Variants in MRPL13 observed in about 807,000 individuals in gnomAD.
MRPL13 encodes the protein mitochondrial ribosomal protein L13, also known as large ribosomal subunit protein uL13m.
Under a neutral mutation model 29.0 loss-of-function variants are expected in MRPL13, and 33 were observed. That is an observed-to-expected ratio of 1.14 (90% confidence interval 0.86 to 1.52). MRPL13 has a LOEUF of 1.52. Among genes scored for constraint, MRPL13 ranks in the 40% most tolerant of loss-of-function variants. The pLI, the probability that MRPL13 is intolerant of heterozygous loss-of-function variation, is 0.00. For missense variants in MRPL13, 227 were observed against 216.7 expected (o/e 1.05, Z -0.30); for synonymous variants, 77 against 68.4 (o/e 1.13, Z -0.62).
At chr8:120,410,801 G>C (rs1345741111) in intron 6 of MRPL13, among the ~76,000 whole-genome samples, 1 of 150,528 alleles carries the variant, frequency 6.6e-6, no homozygotes, top group African/African-American at 2.4e-5. Context: ...TTTTTTTTGA[G>C]ATGGAGTTTT....
rs372837710 is a variant in MRPL13 at position 120,435,631 on chromosome 8, G to A, written c.152-3508C>T. ...ACTGATGGGCACTTAGGTTGATGAC[G>A]TATCTTTGCTATTATGAACAGTGCT... On this transcript the variant is annotated intron_variant, in intron 2 of 6. Transcript: ENST00000306185. Among the ~76,000 whole-genome samples, 114 of 152,054 alleles carry A rather than the reference G, an allele frequency of 7.5e-4. 1 individual carries two copies. The highest frequency in any genetic ancestry group is 2.6e-3 in the African/African-American group (106 of 41,510).
At chr8:120,407,704 T>A (rs368563443) in intron 6 of MRPL13, among the ~76,000 whole-genome samples, 3 of 144,404 alleles carry the variant, frequency 2.1e-5, no homozygotes, top group African/African-American at 7.7e-5. Flanking sequence ...AAAAAATACA[T>A]TATTGGTCCT....
chr8:120,400,526 T>G (rs967737072), intron 6 of MRPL13, among the ~76,000 whole-genome samples: 3 of 151,860 alleles, frequency 2.0e-5, no homozygotes, highest in Non-Finnish European at 4.4e-5. Context: ...AAAAAGCTAC[T>G]TAGATCTCAA....
At chr8:120,421,236 T>C (rs901301777) in intron 4 of MRPL13, among the ~76,000 whole-genome samples, 1 of 151,708 alleles carries the variant, frequency 6.6e-6, no homozygotes, top group African/African-American at 2.4e-5. Context: ...GAAGAAAATA[T>C]AAGGACATAG....
intron 2 of MRPL13, among the ~76,000 whole-genome samples, chr8:120,441,623 G>A (rs890976024): frequency 1.2e-4 from 18 of 152,138 alleles, no homozygotes; most frequent in African/African-American, 3.9e-4. Context: ...TAGATTAAGA[G>A]ATTAAAGGAA....
intron 6 of MRPL13, among the ~76,000 whole-genome samples, chr8:120,403,742 T>A (rs188210569): frequency 7.9e-4 from 120 of 152,348 alleles, no homozygotes; most frequent in Non-Finnish European, 1.0e-3. Context: ...CTTAATCTAC[T>A]AGTCCTTTTC....
chr8:120,415,659 G>A (rs913739880), intron 5 of MRPL13: 1 of 152,062 alleles, frequency 6.6e-6, no homozygotes, highest in Non-Finnish European at 1.5e-5. Flanking sequence ...TCTTGATAAT[G>A]TGCTTCTTCA....
chr8:120,427,633 T>G (rs1449637833), intron 3 of MRPL13, among the ~76,000 whole-genome samples: 1 of 151,850 alleles, frequency 6.6e-6, no homozygotes, highest in African/African-American at 2.4e-5. Flanking sequence ...AGGTGAAAGA[T>G]CTCTATAATG....
intron 6 of MRPL13, among the ~76,000 whole-genome samples, chr8:120,398,659 G>C (rs2130447213): frequency 6.6e-6 from 1 of 152,262 alleles, no homozygotes; most frequent in Non-Finnish European, 1.5e-5. Context: ...TGAGATGGCT[G>C]AACTGACAGA....
intron 2 of MRPL13, among the ~76,000 whole-genome samples, chr8:120,440,608 C>CAAA (rs1201388855): frequency 0.099 from 12,384 of 125,028 alleles, 986 homozygotes; most frequent in East Asian, 0.19. Flanking sequence ...CTCTCTCTCT[C>CAAA]AAAAAAAAAA....
intron 2 of MRPL13, 127 bp downstream of exon 2, chr8:120,443,058 G>C (rs1466473693): frequency 1.0e-6 from 1 of 977,920 alleles, no homozygotes; most frequent in Non-Finnish European, 1.4e-6. Flanking sequence ...GTTTCAGCAA[G>C]AATGGAATAC....
chr8:120,424,327 AT>A (rs2130472228), intron 4 of MRPL13, among the ~76,000 whole-genome samples: 1 of 152,250 alleles, frequency 6.6e-6, no homozygotes, highest in South Asian at 2.1e-4. Context: ...AGGAAAAAAA[AT>A]AAAAAATAAA....
chr8:120,406,064 A>G (rs1222633631), intron 6 of MRPL13, among the ~76,000 whole-genome samples: 1 of 152,234 alleles, frequency 6.6e-6, no homozygotes, highest in Admixed American at 6.5e-5. Context: ...TAAGGTTAAT[A>G]TATTTGTAAA....
chr8:120,433,910 A>AT (rs1274553953), intron 2 of MRPL13, among the ~76,000 whole-genome samples: 1 of 152,136 alleles, frequency 6.6e-6, no homozygotes, highest in African/African-American at 2.4e-5. Flanking sequence ...CCAAATGTAA[A>AT]TAAATCATAG....
intron 5 of MRPL13, chr8:120,415,464 T>C (rs1360252515): frequency 6.6e-6 from 1 of 151,728 alleles, no homozygotes; most frequent in African/African-American, 2.4e-5. Context: ...TTAAGACATG[T>C]TGTCTTAAGA....
intron 6 of MRPL13, among the ~76,000 whole-genome samples, chr8:120,403,176 C>T (rs1053627368): frequency 2.6e-5 from 4 of 152,042 alleles, no homozygotes; most frequent in African/African-American, 9.7e-5. Flanking sequence ...ATAAATCATT[C>T]TATTATAAAG....
chr8:120,410,433 A>C (rs1004778369), intron 6 of MRPL13, among the ~76,000 whole-genome samples: 18 of 152,222 alleles, frequency 1.2e-4, no homozygotes, highest in Middle Eastern at 3.2e-3. Flanking sequence ...GCAATCCTTT[A>C]ATAATAAAAA....
In MRPL13 at chr8:120,436,450, G is replaced by T. The variant is rs370997433; in HGVS notation, c.152-4327C>A. Among the ~76,000 whole-genome samples the T allele has an allele frequency of 7.3e-4, 111 of 152,168 alleles. 1 individual carries two copies. Among genetic ancestry groups the T allele is most frequent in the African/African-American group, 2.6e-3 (106 of 41,522 alleles). On this transcript the variant is annotated intron_variant, in intron 2 of 6. Coordinates refer to ENST00000306185, the MANE Select transcript of MRPL13 (RefSeq NM_014078.6). ...CTACTTATATTGAACATCTTTTCAT[G>T]TACTTATCTGCCATCTGTTCATGTA...
chr8:120,434,169 A>G (rs753452148), intron 2 of MRPL13, among the ~76,000 whole-genome samples: 13 of 152,094 alleles, frequency 8.5e-5, no homozygotes, highest in Non-Finnish European at 1.9e-4. Context: ...TTACACCATC[A>G]GGGGCAGCTC....
Sources: gnomAD v4.1 joint callset for allele counts (sites outside exome capture counted in the v4.1 genomes callset) on GRCh38, gnomAD v4.1.1 for gene constraint, MANE v1.5 for transcripts, NCBI Gene and HGNC (gene_info 2026-07-23, HGNC 2026-07-21) for gene names.